The following ERC2 variants were observed in gnomAD, a reference collection of about 807,000 sequenced individuals.
ERC2 encodes the protein ELKS/RAB6-interacting/CAST family member 2.
ERC2 carries 42 observed loss-of-function variants against 114.8 expected under a neutral mutation model. The ratio of observed to expected loss-of-function variants is 0.37; its 90% CI spans 0.29 to 0.47. ERC2 has a LOEUF of 0.47. Ranked by LOEUF, ERC2 falls within the 20% of genes least tolerant of loss-of-function variation. The probability of loss-of-function intolerance (pLI) is 0.99; values close to 1 mark genes in which losing one functional copy is unlikely to be tolerated. For missense variants in ERC2, 939 were observed against 1,150.7 expected, an observed-to-expected ratio of 0.82 and a Z score of 2.66; for synonymous variants, 454 against 425.5, an observed-to-expected ratio of 1.07 and a Z score of -0.82.
At chr3:55,924,424 T>C (rs2065631450) in intron 13 of ERC2, among the ~76,000 whole-genome samples, 1 of 152,110 alleles carries the variant, frequency 6.6e-6, no homozygotes, top group Non-Finnish European at 1.5e-5. Flanking sequence ...CCACAGACCA[T>C]AGTTGGCCAA....
intron 16 of ERC2, among the ~76,000 whole-genome samples, chr3:55,687,232 G>T (rs957662008): frequency 6.6e-6 from 1 of 152,118 alleles, no homozygotes; most frequent in Non-Finnish European, 1.5e-5. Flanking sequence ...GTTGTGGGGG[G>T]GCATTTATTA....
At chr3:55,843,631 G>T (rs1039816046) in intron 14 of ERC2, among the ~76,000 whole-genome samples, 1 of 152,166 alleles carries the variant, frequency 6.6e-6, no homozygotes, top group African/African-American at 2.4e-5. Context: ...CTTTCTGAAG[G>T]CTTGAAATAT....
At chr3:56,197,490 C>T (rs6786714) in intron 3 of ERC2, among the ~76,000 whole-genome samples, 45,459 of 152,062 alleles carry the variant, frequency 0.3, 8,428 homozygotes, top group Middle Eastern at 0.42. Flanking sequence ...CATGACCACA[C>T]ATGCAAAGGT....
At chr3:55,994,999 T>C (rs2071395322) in intron 10 of ERC2, among the ~76,000 whole-genome samples, 1 of 152,174 alleles carries the variant, frequency 6.6e-6, no homozygotes, top group Admixed American at 6.5e-5. Flanking sequence ...TATCTATTAT[T>C]AACAGAACAC....
intron 1 of ERC2, among the ~76,000 whole-genome samples, chr3:56,465,882 T>A (rs918482802): frequency 6.6e-6 from 1 of 152,266 alleles, no homozygotes; most frequent in Non-Finnish European, 1.5e-5. Context: ...AATGGTTAGC[T>A]CTACGTATGC....
chr3:55,664,194 T>A (rs930928432), intron 17 of ERC2, among the ~76,000 whole-genome samples: 1 of 152,246 alleles, frequency 6.6e-6, no homozygotes, highest in South Asian at 2.1e-4. Context: ...TGGGAGTCTG[T>A]TAGAAACGTA....
At chr3:56,314,854 C>T (rs1225195056) in intron 2 of ERC2, among the ~76,000 whole-genome samples, 1 of 152,170 alleles carries the variant, frequency 6.6e-6, no homozygotes, top group Non-Finnish European at 1.5e-5. Context: ...GTTGTGAAGT[C>T]CAGGCACCAA....
At chr3:56,303,495 T>C (rs2056028955) in intron 2 of ERC2, among the ~76,000 whole-genome samples, 1 of 152,190 alleles carries the variant, frequency 6.6e-6, no homozygotes, top group Admixed American at 6.5e-5. Context: ...CATAATGACT[T>C]CCATTTCTAG....
chr3:56,146,852 C>T (rs1395439654), intron 5 of ERC2, among the ~76,000 whole-genome samples: 2 of 152,194 alleles, frequency 1.3e-5, no homozygotes, highest in African/African-American at 2.4e-5. Flanking sequence ...CTCAAACATT[C>T]TTCTGACCTG....
At chr3:55,845,998 T>C (rs4643680) in intron 14 of ERC2, among the ~76,000 whole-genome samples, 27,713 of 152,262 alleles carry the variant, frequency 0.18, 3,160 homozygotes, top group Non-Finnish European at 0.23. Flanking sequence ...TATATCATTC[T>C]TTTTTTAACT....
At chr3:56,332,881 T>C (rs1455470532) in intron 2 of ERC2, among the ~76,000 whole-genome samples, 2 of 152,036 alleles carry the variant, frequency 1.3e-5, no homozygotes, top group Non-Finnish European at 2.9e-5. Context: ...TTCAATGGGG[T>C]TATGGAGGGA....
At chr3:55,844,519 T>C (rs1027265524) in intron 14 of ERC2, among the ~76,000 whole-genome samples, 2 of 152,202 alleles carry the variant, frequency 1.3e-5, no homozygotes, top group South Asian at 2.1e-4. Flanking sequence ...TGAGAAATCA[T>C]AATAATTATT....
At chr3:55,812,648 G>A (rs569023224) in intron 14 of ERC2, among the ~76,000 whole-genome samples, 8 of 152,180 alleles carry the variant, frequency 5.3e-5, no homozygotes, top group Non-Finnish European at 1.0e-4. Flanking sequence ...ACTTAAAAGC[G>A]GGGGAAGGGA....
chr3:55,905,566 C>A lies in ERC2; in HGVS notation c.2404-17017G>T, dbSNP rs563970721. On this transcript the variant is annotated intron_variant, in intron 13 of 17. Transcript: ENST00000288221. Reference sequence around the variant, plus strand: ...ATAGGTGGAGGAAGCCAAAACCCTACAACAGAGCAGACTAAGGAATTTTCA... The same window carrying A: ...ATAGGTGGAGGAAGCCAAAACCCTAAAACAGAGCAGACTAAGGAATTTTCA... 1.1e-4 allele frequency among the ~76,000 whole-genome samples: 17 copies of A among 151,758 alleles called. No homozygotes were observed. In the South Asian group the frequency reaches 3.5e-3, roughly 32 times the overall value.
intron 6 of ERC2, among the ~76,000 whole-genome samples, chr3:56,126,026 C>G (rs1304087178): frequency 3.9e-5 from 6 of 152,182 alleles, no homozygotes; most frequent in Non-Finnish European, 8.8e-5. Context: ...TCAACTTCAA[C>G]AAGTATCCAC....
chr3:55,558,712 A>G (rs376175010), intron 17 of ERC2, among the ~76,000 whole-genome samples: 42 of 152,252 alleles, frequency 2.8e-4, no homozygotes, highest in African/African-American at 9.6e-4. Flanking sequence ...CTTTGCTGCA[A>G]TGCTGTTTTC....
chr3:55,539,194 G>A (rs547379267), intron 17 of ERC2, among the ~76,000 whole-genome samples: 1 of 152,182 alleles, frequency 6.6e-6, no homozygotes, highest in South Asian at 2.1e-4. Context: ...GTATATTAAC[G>A]AAGGGTGCAT....
intron 2 of ERC2, among the ~76,000 whole-genome samples, chr3:56,311,302 T>C (rs1313727400): frequency 7.1e-6 from 1 of 141,284 alleles, no homozygotes; most frequent in Non-Finnish European, 1.5e-5. Flanking sequence ...CACACATATA[T>C]ATAATTTTTT....
In ERC2 at chr3:55,578,636, C is replaced by G. The variant is rs575273285; in HGVS notation, c.*40-67360G>C. ...GTATTAGTTAGCTATTGCTGTGTAA[C>G]AAATCACCTCAAATCTTAGTGGCTT... On this transcript the variant is annotated intron_variant, in intron 17 of 17. Transcript: ENST00000288221. Among the ~76,000 whole-genome samples, 4 of 152,364 alleles carry G rather than the reference C, an allele frequency of 2.6e-5. No individual in the cohort carries two copies. In the East Asian group the frequency reaches 7.7e-4, roughly 29 times the overall value.
Sources: allele counts gnomAD v4.1 joint callset (sites outside exome capture counted in the v4.1 genomes callset), GRCh38; gene constraint gnomAD v4.1.1; transcripts MANE v1.5; gene names NCBI Gene and HGNC (gene_info 2026-07-23, HGNC 2026-07-21).